IGSF22: variants seen among roughly 807,000 people sequenced by gnomAD.
The protein encoded by IGSF22 is immunoglobulin superfamily member 22, also known as immunoglobulin superfamily, member 22.
In IGSF22, 119 loss-of-function variants were observed where a neutral mutation model predicts 127.0. The observed-to-expected ratio is 0.94, with a 90% confidence interval of 0.81 to 1.09. The LOEUF (loss-of-function observed/expected upper bound fraction) is 1.09, where lower values mean the gene tolerates loss of function less well. Ranked by LOEUF, IGSF22 falls within the 50% of genes least tolerant of loss-of-function variation. The pLI, the probability that IGSF22 is intolerant of heterozygous loss-of-function variation, is 0.00. For synonymous variants in IGSF22, 568 were observed against 664.7 expected (o/e 0.85, Z 2.24); for missense variants, 1,518 against 1,716.6 (o/e 0.88, Z 2.04).
In IGSF22 at chr11:18,709,239, A is replaced by C; in HGVS notation, c.2998+148T>G. 1.3e-6 allele frequency: 1 copy of C among 774,174 alleles called. No homozygotes were observed. Among genetic ancestry groups the C allele is most frequent in the Non-Finnish European group, 2.0e-6 (1 of 490,354 alleles). 48.0% of individuals were successfully genotyped at this position (774,174 alleles called of 1,614,324 possible). On this transcript the variant is annotated intron_variant, in intron 18 of 22. Transcript: ENST00000513874. The surrounding 1 kb of genome is among the most constrained non-coding windows in gnomAD (Gnocchi z 4.8). The stretch of plus-strand genomic sequence containing the variant: ...ATTTAGTAGGGGTGCCCCTGAAGTT[A>C]CCCCTAACTTTGTCCAGGCACAACA...
At position 18,705,799 on chromosome 11, in the gene IGSF22, A is replaced by G. The variant is rs1564865591; in HGVS notation, c.3910+18T>C. 6.6e-7 allele frequency: 1 copy of G among 1,524,132 alleles called. No homozygotes were observed. Among genetic ancestry groups the G allele is most frequent in the Non-Finnish European group, 8.8e-7 (1 of 1,132,094 alleles). The allele number at this position is 1,524,132 out of a possible 1,614,324, so 94.4% of individuals were successfully genotyped here. A position where few individuals can be genotyped will look rare whatever the true frequency, so the allele number is the denominator to read the frequency against. ...CGCCTCTCCCCCTCCTCGAGGCCGG[A>G]CCCCGCGGCGCCCTCACCATAGACG... is the stretch of plus-strand genomic sequence containing the variant. On this transcript the variant is annotated intron_variant, in intron 22 of 22. Coordinates refer to ENST00000513874, the MANE Select transcript of IGSF22 (RefSeq NM_173588.4).
chr11:18,706,609 C>A, intron 21 of IGSF22: 1 of 390,562 alleles, frequency 2.6e-6, no homozygotes. Flanking sequence ...AGAGCCCTCC[C>A]CTGTTCTCAG....
Position 18,719,906 on chromosome 11 carries a change from G to A in IGSF22, c.519-13C>T. The A allele has an allele frequency of 6.2e-7, 1 of 1,614,032 alleles. No homozygotes were observed. The highest frequency in any genetic ancestry group is 8.5e-7 in the Non-Finnish European group (1 of 1,179,960). ...AGCAGGGGGTGCCCTAGGAGAAGGAGGAAGGGACTAAGCTTGTACACAATG... is the reference window on the plus strand; with the variant it reads ...AGCAGGGGGTGCCCTAGGAGAAGGAAGAAGGGACTAAGCTTGTACACAATG... On this transcript the variant is annotated splice_polypyrimidine_tract_variant and intron_variant, in intron 6 of 22. Coordinates refer to ENST00000513874, the MANE Select transcript of IGSF22 (RefSeq NM_173588.4).
Position 18,716,595 on chromosome 11 carries a change from G to A in IGSF22, c.1246+133C>T. On this transcript the variant is annotated intron_variant, in intron 10 of 22. Transcript: ENST00000513874. The surrounding 1 kb of genome is among the most constrained non-coding windows in gnomAD (Gnocchi z 4.5). ...GGGTTAACAGAGAGGAGATCCCCCT[G>A]TCTTTCCAGTACCTACCACAGGGCT... 1.2e-6 allele frequency: 1 copy of A among 865,684 alleles called. No homozygotes were observed. Among genetic ancestry groups the A allele is most frequent in the Non-Finnish European group, 1.8e-6 (1 of 555,158 alleles). 53.6% of individuals were successfully genotyped at this position (865,684 alleles called of 1,614,324 possible).
intron 2 of IGSF22, 125 bp downstream of exon 2, chr11:18,724,003 G>T (rs1848612686): frequency 3.0e-6 from 2 of 659,460 alleles, no homozygotes; most frequent in Non-Finnish European, 5.4e-6. Context: ...TTGGGTGGGG[G>T]TTGCTGTTGG....
intron 14 of IGSF22, 33 bp downstream of exon 14, chr11:18,713,814 CCTCAG>C: frequency 6.6e-7 from 1 of 1,519,648 alleles, no homozygotes; most frequent in Non-Finnish European, 8.9e-7. Context: ...CAGCAGGTGC[CCTCAG>C]CTCAGCCCAG....
chr11:18,714,767 CA>C lies in IGSF22; in HGVS notation c.1532-144del, dbSNP rs369888405. ...AATTTATGATGAGCAGGCGGCTTGC[CA>C]ATGTGGTCAATAGGTGATTAGGGGG... is the stretch of plus-strand genomic sequence containing the variant. On this transcript the variant is annotated intron_variant, in intron 11 of 22. Transcript: ENST00000513874. 4.7e-5 allele frequency: 50 copies of C among 1,061,826 alleles called. 1 individual carries two copies. The African/African-American group carries it at 5.9e-4, about 12-fold the overall frequency. 65.8% of individuals were successfully genotyped at this position (1,061,826 alleles called of 1,614,324 possible).
rs1848305785 is a variant in IGSF22, at chr11:18,709,294, A to G, written c.2998+93T>C. 10 of 1,334,020 alleles carry G rather than the reference A, an allele frequency of 7.5e-6. No individual in the cohort carries two copies. The highest frequency in any genetic ancestry group is 4.0e-5 in the South Asian group (3 of 74,990). The allele number at this position is 1,334,020 out of a possible 1,614,324, so 82.6% of individuals were successfully genotyped here. A position where few individuals can be genotyped will look rare whatever the true frequency, so the allele number is the denominator to read the frequency against. On this transcript the variant is annotated intron_variant, in intron 18 of 22. Transcript: ENST00000513874. This position sits in a 1 kb window ranked among gnomAD's most constrained non-coding sequence, Gnocchi z 4.8. ...TGGATGACTTTTTCATGATCCTAGC[A>G]TCATCCAATTTTCCTGTGGGATGAG... is the stretch of plus-strand genomic sequence containing the variant.
Position 18,714,105 on chromosome 11 carries a change from C to T in IGSF22, c.1842G>A (p.Ala614=), listed in dbSNP as rs377071364. 6.7e-5 allele frequency: 108 copies of T among 1,614,020 alleles called. 2 individuals are homozygous for T. In the South Asian group the frequency reaches 8.6e-4, roughly 13 times the overall value. The part of the protein sequence containing the change: ...IDPSVLEALA[A]HAITVKVGHT... ...GGCCTACCTTCACAGTGATGGCGTGCGCAGCCAGTGCCTCCAGTACTGACG... is the reference window on the plus strand; with the variant it reads ...GGCCTACCTTCACAGTGATGGCGTGTGCAGCCAGTGCCTCCAGTACTGACG... Residue 614 remains alanine, a synonymous_variant, in exon 14 of 23, where the codon GCG becomes GCA. Transcript: ENST00000513874.
intron 3 of IGSF22, 105 bp from the exon 4 acceptor site, chr11:18,721,776 C>G (rs1590456684): frequency 1.3e-6 from 2 of 1,587,546 alleles, no homozygotes; most frequent in East Asian, 2.2e-5. Context: ...GGCCTGGCCC[C>G]GGGCAGGGGA....
rs1439155587 is a variant in IGSF22, at chr11:18,718,022, C to T, written c.882G>A (p.Met294Ile). 6.2e-7 allele frequency: 1 copy of T among 1,614,226 alleles called. No homozygotes were observed. The highest frequency in any genetic ancestry group is 8.5e-7 in the Non-Finnish European group (1 of 1,180,044). Reference sequence around the variant, plus strand: ...TCATGTTCACGTTGCTAATAACCAGCATGTACTTGGTGCCCATCTGCTTCA... The same window carrying T: ...TCATGTTCACGTTGCTAATAACCAGTATGTACTTGGTGCCCATCTGCTTCA... ...YDVKQMGTKY[M>I]LVISNVNMND... Residue 294 changes from methionine to isoleucine, a missense_variant, in exon 9 of 23, where the codon ATG becomes ATA. By Grantham distance (10) the Met-to-Ile change is conservative. Transcript: ENST00000513874.
Position 18,709,574 on chromosome 11 carries a change from A to C in IGSF22, c.2811T>G (p.Leu937=). ...CCTTTGTGTCTTCAGCCCTCATCTC[A>C]AGGATGTAGCCAGAGGGTGGGTCTC... is the stretch of plus-strand genomic sequence containing the variant. ...AEGDPPSGYI[L]EMRAEDTKEW... The change falls in exon 18 of 23, where the codon CTT becomes CTG. Residue 937 remains leucine (L), a synonymous_variant. Coordinates refer to ENST00000513874, the MANE Select transcript of IGSF22 (RefSeq NM_173588.4). The surrounding 1 kb of genome is among the most constrained non-coding windows in gnomAD (Gnocchi z 4.8). The C allele has an allele frequency of 6.2e-7, 1 of 1,614,166 alleles. No homozygotes were observed. Among genetic ancestry groups the C allele is most frequent in the Non-Finnish European group, 8.5e-7 (1 of 1,180,024 alleles).
chr11:18,717,100 T>A, intron 9 of IGSF22, 100 bp from the exon 10 acceptor site: 1 of 1,347,594 alleles, frequency 7.4e-7, no homozygotes, highest in Non-Finnish European at 1.0e-6. Context: ...CTGTAGCCCA[T>A]GGCTGGGGGA....
chr11:18,721,108 A>T (rs2134168634), intron 4 of IGSF22, among the ~76,000 whole-genome samples: 1 of 152,280 alleles, frequency 6.6e-6, no homozygotes, highest in Middle Eastern at 3.4e-3. Flanking sequence ...GGTTCAGCTG[A>T]AGAGCCCGGA....
chr11:18,721,986 G>A lies in IGSF22; in HGVS notation c.165C>T (p.Thr55=). The A allele has an allele frequency of 6.2e-7, 1 of 1,614,066 alleles. No homozygotes were observed. Among genetic ancestry groups the A allele is most frequent in the Non-Finnish European group, 8.5e-7 (1 of 1,180,032 alleles). ...CGCCCGCAGGGATGTTTGAGCTCCGGGTCACTAAGCTGAAGAACTCCACTA... is the reference window on the plus strand; with the variant it reads ...CGCCCGCAGGGATGTTTGAGCTCCGAGTCACTAAGCTGAAGAACTCCACTA... ...SSIVEFFSLV[T]RSSNIPAGDS... Residue 55 remains threonine, a synonymous_variant, in exon 3 of 23, where the codon ACC becomes ACT. Coordinates refer to ENST00000513874, the MANE Select transcript of IGSF22 (RefSeq NM_173588.4).
intron 19 of IGSF22, 21 bp downstream of exon 19, chr11:18,708,186 T>A (rs1590436283): frequency 1.3e-6 from 2 of 1,535,534 alleles, no homozygotes; most frequent in South Asian, 2.5e-5. Flanking sequence ...TGTATGGAGG[T>A]CAGGGTCAGG....
chr11:18,706,591 G>A, intron 21 of IGSF22: 1 of 323,882 alleles, frequency 3.1e-6, no homozygotes. Context: ...ACATCCTCCC[G>A]GCTCCCTAGA....
chr11:18,713,867 G>A lies in IGSF22; in HGVS notation c.2080C>T (p.His694Tyr). 1 of 1,613,310 alleles carries A rather than the reference G, an allele frequency of 6.2e-7. No individual in the cohort carries two copies. ...CTGCCCTGACCCAGCACACTAAGGT[G>A]CAGAGTGGCCGTGGCTGAGCCGTGG... is the stretch of plus-strand genomic sequence containing the variant. ...NDHGSATATLHLSVLDRPKPP... is the reference protein window; with the variant it reads ...NDHGSATATLYLSVLDRPKPP... The change falls in exon 14 of 23, where the codon CAC becomes TAC. Residue 694 changes from histidine to tyrosine, a missense_variant. Around this residue, in one of 3 missense-constraint regions of IGSF22, gnomAD observed 1,456 missense variants for 1,644.9 expected, o/e 0.89. Coordinates refer to ENST00000513874, the MANE Select transcript of IGSF22 (RefSeq NM_173588.4).
chr11:18,705,819 T>C lies in IGSF22; in HGVS notation c.3908A>G (p.Tyr1303Cys), dbSNP rs773799121. Reference protein sequence around the residue: ...KDRSSCTLTVYDKDDKSVVAS... With the variant: ...KDRSSCTLTVCDKDDKSVVAS... ...GCCGGACCCCGCGGCGCCCTCACCA[T>C]AGACGGTGAGCGTGCAGCTGCTGCG... The change falls in exon 22 of 23, where the codon TAT becomes TGT. Residue 1303 changes from tyrosine to cysteine, a missense_variant and splice_region_variant. By Grantham distance (194) the Tyr-to-Cys change is radical. Coordinates refer to ENST00000513874, the MANE Select transcript of IGSF22 (RefSeq NM_173588.4). 101 of 1,544,056 alleles carry C rather than the reference T, an allele frequency of 6.5e-5. No individual in the cohort carries two copies. Among genetic ancestry groups the C allele is most frequent in the Middle Eastern group, 1.9e-4 (1 of 5,178 alleles).
Sources: gnomAD v4.1 joint callset for allele counts (sites outside exome capture counted in the v4.1 genomes callset) on GRCh38, gnomAD v4.1.1 for gene constraint, gnomAD v4.1.1 regional missense constraint, Gnocchi (gnomAD v3.1) non-coding constraint, MANE v1.5 for transcripts, NCBI Gene and HGNC (gene_info 2026-07-23, HGNC 2026-07-21) for gene names.